SLC35F4: variants seen among roughly 807,000 people sequenced by gnomAD.
The protein encoded by SLC35F4 is solute carrier family 35 member F4.
In SLC35F4, 24 loss-of-function variants were observed where a neutral mutation model predicts 44.2. That is an observed-to-expected ratio of 0.54 (90% CI 0.39 to 0.76). The LOEUF (loss-of-function observed/expected upper bound fraction) is 0.76. SLC35F4 is among the 30% of genes least tolerant of loss of function. SLC35F4 has a pLI of 0.00. For missense variants in SLC35F4, 562 were observed against 586.1 expected (o/e 0.96, Z 0.42); for synonymous variants, 238 against 223.6 (o/e 1.06, Z -0.57).
chr14:57,715,665 G>A (rs1435952320), intron 1 of SLC35F4, among the ~76,000 whole-genome samples: 1 of 152,166 alleles, frequency 6.6e-6, no homozygotes, highest in Non-Finnish European at 1.5e-5. Flanking sequence ...GGTTGGATGA[G>A]TCATTTTCAT....
At chr14:57,676,147 C>G (rs1356548411) in intron 1 of SLC35F4, among the ~76,000 whole-genome samples, 2 of 151,988 alleles carry the variant, frequency 1.3e-5, no homozygotes, top group African/African-American at 4.8e-5. Flanking sequence ...GAAAAGCAGG[C>G]AAAGGTTGAT....
intron 1 of SLC35F4, among the ~76,000 whole-genome samples, chr14:57,735,614 G>T (rs1355158384): frequency 6.6e-6 from 1 of 152,144 alleles, no homozygotes; most frequent in African/African-American, 2.4e-5. Flanking sequence ...GTAGTATAAA[G>T]TAAAAAGTAC....
At chr14:57,887,259 T>C (rs1282880814) in intron 1 of SLC35F4, among the ~76,000 whole-genome samples, 5 of 152,090 alleles carry the variant, frequency 3.3e-5, no homozygotes, top group African/African-American at 4.8e-5. Context: ...AGAACAACCA[T>C]CCCTTTCTTC....
chr14:57,902,227 G>A (rs916789046), intron 1 of SLC35F4, among the ~76,000 whole-genome samples: 2 of 152,154 alleles, frequency 1.3e-5, no homozygotes, highest in African/African-American at 4.8e-5. Context: ...GCAATTTGGT[G>A]ATAATATCAA....
intron 1 of SLC35F4, among the ~76,000 whole-genome samples, chr14:57,712,449 G>A (rs1365353074): frequency 6.6e-6 from 1 of 152,142 alleles, no homozygotes; most frequent in Non-Finnish European, 1.5e-5. Flanking sequence ...GTTTATAAGA[G>A]CCAAACCTAA....
chr14:57,642,475 T>C (rs1317952278), intron 1 of SLC35F4, among the ~76,000 whole-genome samples: 2 of 151,990 alleles, frequency 1.3e-5, no homozygotes, highest in African/African-American at 2.4e-5. Flanking sequence ...TTTTTTCCAA[T>C]TTACTTTTAT....
intron 1 of SLC35F4, among the ~76,000 whole-genome samples, chr14:57,641,034 C>G (rs948920747): frequency 4.0e-5 from 6 of 151,740 alleles, no homozygotes; most frequent in Admixed American, 2.0e-4. Context: ...ATTTTTCTTG[C>G]CAGAAAGCAT....
chr14:57,658,609 C>G (rs2074041142), intron 1 of SLC35F4, among the ~76,000 whole-genome samples: 1 of 152,136 alleles, frequency 6.6e-6, no homozygotes, highest in Admixed American at 6.6e-5. Context: ...AATATAACAG[C>G]ACATCATGGA....
intron 1 of SLC35F4, among the ~76,000 whole-genome samples, chr14:57,706,890 G>A (rs1031898464): frequency 6.6e-6 from 1 of 152,200 alleles, no homozygotes; most frequent in Non-Finnish European, 1.5e-5. Context: ...CTATTGAAGG[G>A]CTTTGAGAAG....
intron 1 of SLC35F4, among the ~76,000 whole-genome samples, chr14:57,644,228 C>A (rs1221833172): frequency 6.6e-6 from 1 of 152,106 alleles, no homozygotes; most frequent in African/African-American, 2.4e-5. Flanking sequence ...GTTTACAGTC[C>A]CACCAACAGT....
chr14:57,783,657 G>T (rs1003991395), intron 1 of SLC35F4, among the ~76,000 whole-genome samples: 1 of 152,204 alleles, frequency 6.6e-6, no homozygotes, highest in South Asian at 2.1e-4. Context: ...TTGATGCTTT[G>T]TCTCTGAAGT....
chr14:57,778,249 A>T (rs1468749943), intron 1 of SLC35F4, among the ~76,000 whole-genome samples: 2 of 152,056 alleles, frequency 1.3e-5, no homozygotes, highest in Non-Finnish European at 2.9e-5. Context: ...GCCCAACTAA[A>T]CCTCTTTCTT....
At position 57,783,476 on chromosome 14, in the gene SLC35F4, G is replaced by T. The variant is rs550018450; in HGVS notation, c.103+82247C>A. Among the ~76,000 whole-genome samples the T allele has an allele frequency of 2.0e-5, 3 of 152,264 alleles. No homozygotes were observed. The South Asian group carries it at 6.2e-4, about 32-fold the overall frequency. On this transcript the variant is annotated intron_variant, in intron 1 of 7. Transcript: ENST00000556826. ...CAGGATTTAAGGCAGGAAGGAATGG[G>T]CTAACTCTACTGTTTTGTGCAAATG...
At chr14:57,928,485 T>C (rs1378455284) in intron 1 of SLC35F4, among the ~76,000 whole-genome samples, 1 of 152,182 alleles carries the variant, frequency 6.6e-6, no homozygotes, top group East Asian at 1.9e-4. Context: ...GGAACACTTT[T>C]TCCTCGGGCA....
In SLC35F4 at chr14:57,642,410, C is replaced by T. The variant is rs189573389; in HGVS notation, c.104-48286G>A. Among the ~76,000 whole-genome samples the T allele has an allele frequency of 1.2e-4, 18 of 151,978 alleles. No individual in the cohort carries two copies. In the East Asian group the frequency reaches 2.1e-3, roughly 18 times the overall value. ...AACATTATAGTTATTGGAATATAAA[C>T]GATTATCCTAGTAATGGCAAATACC... is the stretch of plus-strand genomic sequence containing the variant. On this transcript the variant is annotated intron_variant, in intron 1 of 7. Coordinates refer to ENST00000556826, the MANE Select transcript of SLC35F4 (RefSeq NM_001306087.2).
chr14:57,783,721 A>G (rs533947394), intron 1 of SLC35F4, among the ~76,000 whole-genome samples: 34 of 152,326 alleles, frequency 2.2e-4, no homozygotes, highest in Admixed American at 2.1e-3. Context: ...TTGACATAAG[A>G]CAATGGCCCA....
chr14:57,730,265 G>A (rs138468968), intron 1 of SLC35F4, among the ~76,000 whole-genome samples: 1 of 152,174 alleles, frequency 6.6e-6, no homozygotes, highest in Admixed American at 6.5e-5. Flanking sequence ...GCAGGGGACA[G>A]GAAGTATGTA....
At chr14:57,776,969 T>C (rs920035027) in intron 1 of SLC35F4, among the ~76,000 whole-genome samples, 5 of 152,138 alleles carry the variant, frequency 3.3e-5, no homozygotes, top group Non-Finnish European at 5.9e-5. Context: ...AAAGGAAAGA[T>C]GGTTATCAGC....
intron 1 of SLC35F4, among the ~76,000 whole-genome samples, chr14:57,902,418 C>T (rs1475699124): frequency 3.3e-5 from 5 of 151,980 alleles, no homozygotes; most frequent in Admixed American, 3.3e-4. Flanking sequence ...TCAAAATTAG[C>T]CAGATGTGGT....
Sources: allele counts gnomAD v4.1 joint callset (sites outside exome capture counted in the v4.1 genomes callset), GRCh38; gene constraint gnomAD v4.1.1; transcripts MANE v1.5; gene names NCBI Gene and HGNC (gene_info 2026-07-23, HGNC 2026-07-21).